Variants in NHS observed in about 807,000 individuals in gnomAD.
The protein encoded by NHS is actin remodeling regulator NHS.
Under a neutral mutation model 72.5 loss-of-function variants are expected in NHS, and 5 were observed. The ratio of observed to expected loss-of-function variants is 0.07; its 90% CI spans 0.04 to 0.14. The LOEUF (loss-of-function observed/expected upper bound fraction) is 0.14, where lower values mean the gene tolerates loss of function less well. Ranked by LOEUF, NHS falls within the 10% of genes least tolerant of loss-of-function variation. NHS has a pLI of 1.00. For missense variants in NHS, 1,072 were observed against 1,355.7 expected (o/e 0.79, Z 3.29); for synonymous variants, 464 against 547.7 (o/e 0.85, Z 2.13).
chrX:17,429,055 C>T (rs187307466), intron 1 of NHS, among the ~76,000 whole-genome samples: 117 of 111,772 alleles, frequency 1.0e-3, no homozygotes, highest in Non-Finnish European at 8.8e-4. Flanking sequence ...TTGTTGATAA[C>T]GAAGACGCAC....
chrX:17,668,114 A>C, intron 1 of NHS, among the ~76,000 whole-genome samples: 1 of 105,123 alleles, frequency 9.5e-6, no homozygotes, highest in Non-Finnish European at 1.9e-5. Flanking sequence ...AAAAAAAATT[A>C]GCCAGGGGTG....
At chrX:17,717,531 A>G (rs1174870643) in intron 3 of NHS, among the ~76,000 whole-genome samples, 1 of 112,833 alleles carries the variant, frequency 8.9e-6, no homozygotes, top group Non-Finnish European at 1.9e-5. Flanking sequence ...GATATGGCTT[A>G]GAGTTTTAAA....
intron 1 of NHS, among the ~76,000 whole-genome samples, chrX:17,412,259 T>G: frequency 9.1e-6 from 1 of 110,015 alleles, no homozygotes; most frequent in Non-Finnish European, 1.9e-5. Context: ...TATCATCATA[T>G]CAAGAACATA....
At chrX:17,390,663 C>T (rs1347760985) in intron 1 of NHS, among the ~76,000 whole-genome samples, 1 of 111,811 alleles carries the variant, frequency 8.9e-6, no homozygotes, top group Non-Finnish European at 1.9e-5. Context: ...GTGTTAAATG[C>T]CTTTGGTATG....
At chrX:17,509,137 C>T (rs1400976346) in intron 1 of NHS, among the ~76,000 whole-genome samples, 1 of 111,859 alleles carries the variant, frequency 8.9e-6, no homozygotes, top group Non-Finnish European at 1.9e-5. Context: ...GTATCAGCTG[C>T]TCTCCAGCAA....
chrX:17,511,438 G>A (rs1233187019), intron 1 of NHS, among the ~76,000 whole-genome samples: 3 of 111,500 alleles, frequency 2.7e-5, no homozygotes, highest in African/African-American at 9.8e-5. Context: ...GTTTGGCATT[G>A]TTTCCCAGGC....
chrX:17,454,583 G>A lies in NHS; in HGVS notation c.565+78261G>A, dbSNP rs762365814. Among the ~76,000 whole-genome samples, 43 of 112,428 alleles carry A rather than the reference G, an allele frequency of 3.8e-4. No individual in the cohort carries two copies. The South Asian group carries it at 5.6e-3, about 15-fold the overall frequency. On this transcript the variant is annotated intron_variant, in intron 1 of 8. Coordinates refer to ENST00000676302, the MANE Select transcript of NHS (RefSeq NM_001291867.2). Reference sequence around the variant, plus strand: ...AACTCAAGTTTGGAATAAGGAAACCGAAGTTCTAACTTTTACTGTTCTAGT... The same window carrying A: ...AACTCAAGTTTGGAATAAGGAAACCAAAGTTCTAACTTTTACTGTTCTAGT...
intron 1 of NHS, among the ~76,000 whole-genome samples, chrX:17,666,245 G>A (rs895023512): frequency 8.9e-5 from 10 of 112,251 alleles, no homozygotes; most frequent in Non-Finnish European, 1.7e-4. Context: ...ACAGGGGCAC[G>A]GCCTGCAGAA....
chrX:17,692,315 C>T lies in NHS; in HGVS notation c.719-20C>T, dbSNP rs2066201353. On this transcript the variant is annotated intron_variant, in intron 2 of 8. Coordinates refer to ENST00000676302, the MANE Select transcript of NHS (RefSeq NM_001291867.2). The stretch of plus-strand genomic sequence containing the variant: ...AAATGCCAAGTGTATTTCAGTATTA[C>T]TGCTTTTTCTCCTTCTCAGAACACC... 8.3e-7 allele frequency: 1 copy of T among 1,205,031 alleles called. No individual in the cohort carries two copies. Among genetic ancestry groups the T allele is most frequent in the African/African-American group, 1.8e-5 (1 of 56,274 alleles).
At chrX:17,715,226 G>A (rs140094855) in intron 3 of NHS, among the ~76,000 whole-genome samples, 5 of 111,412 alleles carry the variant, frequency 4.5e-5, no homozygotes, top group Non-Finnish European at 7.5e-5. Context: ...CACTCTGTAT[G>A]TTTTTGCATC....
At chrX:17,616,763 A>G (rs1310193758) in intron 1 of NHS, among the ~76,000 whole-genome samples, 2 of 112,569 alleles carry the variant, frequency 1.8e-5, no homozygotes, top group East Asian at 5.5e-4. Context: ...AATTTTCCCA[A>G]TAACTGGATT....
chrX:17,602,362 C>G (rs2065654775), intron 1 of NHS, among the ~76,000 whole-genome samples: 1 of 111,805 alleles, frequency 8.9e-6, no homozygotes, highest in Admixed American at 9.4e-5. Context: ...AAGAATCACC[C>G]CTTCCATCCA....
At chrX:17,597,246 A>G (rs1198987239) in intron 1 of NHS, among the ~76,000 whole-genome samples, 2 of 106,933 alleles carry the variant, frequency 1.9e-5, no homozygotes, top group Non-Finnish European at 3.9e-5. Flanking sequence ...CAGCCTCCCA[A>G]ATAGCTGGGA....
intron 1 of NHS, among the ~76,000 whole-genome samples, chrX:17,517,527 G>A (rs1022029666): frequency 8.9e-6 from 1 of 112,195 alleles, no homozygotes; most frequent in African/African-American, 3.2e-5. Flanking sequence ...TGCATTGTGT[G>A]CCTCCTATTC....
chrX:17,618,723 T>C (rs1215554647), intron 1 of NHS, among the ~76,000 whole-genome samples: 4 of 112,465 alleles, frequency 3.6e-5, no homozygotes, highest in Middle Eastern at 4.2e-3. Flanking sequence ...TTGTCAGAGT[T>C]ACAGCTGGTG....
intron 1 of NHS, among the ~76,000 whole-genome samples, chrX:17,592,182 CTT>C (rs1221696306): frequency 3.6e-5 from 4 of 112,256 alleles, no homozygotes; most frequent in Non-Finnish European, 7.5e-5. Context: ...TCTTCTGTGT[CTT>C]TTGTACTTCA....
At chrX:17,723,770 T>TGTGCGCGTGTGCGC (rs541219770) in intron 5 of NHS, among the ~76,000 whole-genome samples, 1 of 91,337 alleles carries the variant, frequency 1.1e-5, no homozygotes, top group African/African-American at 5.1e-5. Flanking sequence ...TGTGTGTGTG[T>TGTGCGCGTGTGCGC]GCGCGCGCGT....
intron 1 of NHS, among the ~76,000 whole-genome samples, chrX:17,482,916 G>C (rs2064952098): frequency 8.9e-6 from 1 of 112,357 alleles, no homozygotes; most frequent in Admixed American, 9.5e-5. Context: ...ATGGGGAGGG[G>C]ATGGGGAATG....
intron 1 of NHS, among the ~76,000 whole-genome samples, chrX:17,563,432 G>A (rs762142361): frequency 8.9e-6 from 1 of 112,609 alleles, no homozygotes; most frequent in East Asian, 2.8e-4. Flanking sequence ...GGAGGCCAAC[G>A]GCCCTTCTGT....
Sources: allele counts gnomAD v4.1 joint callset (sites outside exome capture counted in the v4.1 genomes callset), GRCh38; gene constraint gnomAD v4.1.1; transcripts MANE v1.5; gene names NCBI Gene and HGNC (gene_info 2026-07-23, HGNC 2026-07-21).